Variants in SHPRH observed in about 807,000 individuals in gnomAD.
SHPRH encodes the protein SNF2 histone linker PHD RING helicase, also known as E3 ubiquitin-protein ligase SHPRH.
In SHPRH, 106 loss-of-function variants were observed where a neutral mutation model predicts 202.5. That is an observed-to-expected ratio of 0.52 (90% CI 0.45 to 0.62). The LOEUF is 0.62. SHPRH is among the 20% of genes least tolerant of loss of function. SHPRH has a pLI of 0.00. For missense variants in SHPRH, 1,710 were observed against 2,020.0 expected, an observed-to-expected ratio of 0.85 and a Z score of 2.94; for synonymous variants, 729 against 686.0, an observed-to-expected ratio of 1.06 and a Z score of -0.98.
intron 2 of SHPRH, among the ~76,000 whole-genome samples, chr6:145,878,311 C>T (rs1296933542): frequency 1.3e-5 from 2 of 152,094 alleles, no homozygotes. Flanking sequence ...CATCATTATC[C>T]AAAGTCCACA....
Position 145,939,283 on chromosome 6 carries a change from C to T in SHPRH, c.2569+1440G>A, listed in dbSNP as rs1027935045. Among the ~76,000 whole-genome samples the T allele has an allele frequency of 3.9e-5, 6 of 152,142 alleles. No individual in the cohort carries two copies. The South Asian group carries it at 6.2e-4, about 16-fold the overall frequency. ...CTTTTGGAGCTGACTTGGAACACGA[C>T]GAAACTTGCCTTATTGTGCACATAT... On this transcript the variant is annotated intron_variant, in intron 11 of 29. Coordinates refer to ENST00000275233, the MANE Select transcript of SHPRH (RefSeq NM_001042683.3).
downstream of SHPRH, among the ~76,000 whole-genome samples, chr6:145,861,508 G>A (rs1779579521): frequency 6.6e-6 from 1 of 151,214 alleles, no homozygotes; most frequent in Non-Finnish European, 1.5e-5. Flanking sequence ...AATGTAAATT[G>A]GTACAGCCAC....
chr6:145,932,225 G>T (rs1785538805), intron 14 of SHPRH, among the ~76,000 whole-genome samples: 1 of 152,012 alleles, frequency 6.6e-6, no homozygotes, highest in South Asian at 2.1e-4. Context: ...TATATGGAAA[G>T]GTGTGTCTAT....
exon 3 of SHPRH, chr6:145,864,377 AAAC>A (rs1157614920): frequency 2.6e-5 from 11 of 425,776 alleles, no homozygotes; most frequent in Admixed American, 2.5e-4. Context: ...AGTAAATAAA[AAAC>A]AACTCACAAA....
At chr6:145,897,822 C>G (rs1041202844) in intron 25 of SHPRH, among the ~76,000 whole-genome samples, 3 of 152,062 alleles carry the variant, frequency 2.0e-5, no homozygotes, top group South Asian at 4.1e-4. Context: ...ATTCAACATA[C>G]TTCAATAAAC....
intron 23 of SHPRH, among the ~76,000 whole-genome samples, chr6:145,915,799 A>T (rs1783899939): frequency 7.3e-6 from 1 of 137,646 alleles, no homozygotes; most frequent in Non-Finnish European, 1.6e-5. Context: ...TGATGTATCT[A>T]GGCAGTATTT....
chr6:145,919,630 T>C (rs756854396), intron 21 of SHPRH, 139 bp from the exon 22 acceptor site: 1 of 930,990 alleles, frequency 1.1e-6, no homozygotes. Context: ...AAGTAGTTCC[T>C]GGGGTCATTT....
In SHPRH at chr6:145,955,080, T is replaced by C. The variant is rs1235811518; in HGVS notation, c.243A>G (p.Lys81=). 6.2e-7 allele frequency: 1 copy of C among 1,613,244 alleles called. No individual in the cohort carries two copies. Among genetic ancestry groups the C allele is most frequent in the Non-Finnish European group, 8.5e-7 (1 of 1,179,944 alleles). ...KRCSKVVSFS[K]PIEKEETVGI... ...CAACAGTCTCTTCTTTTTCAATTGG[T>C]TTTGAGAAGCTCACCACTTTTGAAC... The change falls in exon 2 of 30, where the codon AAA becomes AAG. Residue 81 remains lysine (K), a synonymous_variant. Transcript: ENST00000275233.
chr6:145,887,266 G>A (rs1247594280), intron 29 of SHPRH, among the ~76,000 whole-genome samples: 1 of 152,034 alleles, frequency 6.6e-6, no homozygotes, highest in Non-Finnish European at 1.5e-5. Context: ...AACCATCAAT[G>A]GAAGAAAATT....
chr6:145,889,230 T>C (rs931009101), intron 28 of SHPRH, among the ~76,000 whole-genome samples: 3 of 152,044 alleles, frequency 2.0e-5, no homozygotes, highest in Admixed American at 2.0e-4. Flanking sequence ...CGAAGGGGTG[T>C]AGACAAAGAA....
At chr6:145,942,734 T>C (rs1582786469) in intron 9 of SHPRH, among the ~76,000 whole-genome samples, 1 of 152,236 alleles carries the variant, frequency 6.6e-6, no homozygotes, top group African/African-American at 2.4e-5. Context: ...ATTCTTATTT[T>C]ACAGCTGAGG....
intron 11 of SHPRH, among the ~76,000 whole-genome samples, chr6:145,939,908 T>C (rs1195200807): frequency 6.6e-6 from 1 of 152,074 alleles, no homozygotes; most frequent in East Asian, 1.9e-4. Context: ...AAAACTTGGA[T>C]TTTCAGAAAG....
In SHPRH at chr6:145,940,370, AC is replaced by A. The variant is rs1426525222; in HGVS notation, c.2569+352del. On this transcript the variant is annotated intron_variant, in intron 11 of 29. Coordinates refer to ENST00000275233, the MANE Select transcript of SHPRH (RefSeq NM_001042683.3). ...TTTCTCTCTTTTTCTGCCTCTCCCC[AC>A]CCCCCCCACCCTTTGTTTCTTTTTG... 1.2e-3 allele frequency among the ~76,000 whole-genome samples: 57 copies of A among 47,710 alleles called. No homozygotes were observed. In the East Asian group the frequency reaches 0.037, roughly 31 times the overall value. 31.3% of individuals were successfully genotyped at this position (47,710 alleles called of 152,430 possible).
chr6:145,955,262 G>T lies in SHPRH; in HGVS notation c.61C>A (p.Leu21Ile). Residue 21 changes from leucine (L) to isoleucine (I), a missense_variant, in exon 2 of 30, where the codon CTT becomes ATT. By Grantham distance (5) the Leu-to-Ile change is conservative (BLOSUM62 2). Transcript: ENST00000275233. The part of the protein sequence containing the change: ...VRVDEEKRQQ[L>I]HWNMHEDRRN... ...CTGTCCTCATGCATATTCCAATGAA[G>T]CTGCTGCCTCTTTTCCTCATCTACC... is the stretch of plus-strand genomic sequence containing the variant. 6.2e-7 allele frequency: 1 copy of T among 1,612,074 alleles called. No homozygotes were observed.
At chr6:145,935,187 A>T (rs754463720) in intron 12 of SHPRH, 24 bp from the exon 13 acceptor site, 7 of 1,595,850 alleles carry the variant, frequency 4.4e-6, no homozygotes, top group Admixed American at 1.8e-5. Flanking sequence ...CAGAAAAAAA[A>T]AAAAAGATAT....
downstream of SHPRH, chr6:145,884,177 A>G (rs981768774): frequency 4.6e-5 from 7 of 151,780 alleles, no homozygotes; most frequent in African/African-American, 1.5e-4. Flanking sequence ...TAGTAGTTGC[A>G]TGTTGAATTA....
intron 25 of SHPRH, among the ~76,000 whole-genome samples, chr6:145,896,225 T>C (rs961332705): frequency 2.0e-4 from 31 of 152,102 alleles, no homozygotes; most frequent in Non-Finnish European, 2.4e-4. Flanking sequence ...GACTTTCAAG[T>C]GTACTTGCAA....
At chr6:145,922,573 C>A (rs964303290) in intron 19 of SHPRH, 90 bp downstream of exon 19, 9 of 1,446,670 alleles carry the variant, frequency 6.2e-6, no homozygotes. Context: ...ATGAAAAAAC[C>A]TTTACTATAT....
At chr6:145,960,425 A>G (rs1179524315) in intron 1 of SHPRH, among the ~76,000 whole-genome samples, 1 of 152,158 alleles carries the variant, frequency 6.6e-6, no homozygotes, top group Non-Finnish European at 1.5e-5. Flanking sequence ...TTGGAAGGGA[A>G]TTGGGCCAGT....
Sources: allele counts gnomAD v4.1 joint callset (sites outside exome capture counted in the v4.1 genomes callset), GRCh38; gene constraint gnomAD v4.1.1; transcripts MANE v1.5; gene names NCBI Gene and HGNC (gene_info 2026-07-23, HGNC 2026-07-21).